The following CUL9 variants were observed in gnomAD, a reference collection of about 807,000 sequenced individuals.
CUL9 encodes the protein cullin 9, also known as cullin-9.
Under a neutral mutation model 272.6 loss-of-function variants are expected in CUL9, and 79 were observed. The ratio of observed to expected loss-of-function variants is 0.29; its 90% CI spans 0.24 to 0.35. The LOEUF is 0.35. CUL9 is among the 10% of genes least tolerant of loss of function. The probability of loss-of-function intolerance (pLI) is 1.00; values close to 1 mark genes in which losing one functional copy is unlikely to be tolerated. For missense variants in CUL9, 2,532 were observed against 3,255.6 expected, an observed-to-expected ratio of 0.78 and a Z score of 5.41; for synonymous variants, 1,186 against 1,286.5, an observed-to-expected ratio of 0.92 and a Z score of 1.67.
In CUL9 at chr6:43,198,725, G is replaced by A. The variant is rs779640994; in HGVS notation, c.2920G>A (p.Glu974Lys). ...LLDLERVLCREGSPGGAVRPL... is the reference protein window; with the variant it reads ...LLDLERVLCRKGSPGGAVRPL... ...GGACTTGGAGCGTGTGCTGTGCCGTGAGGGCAGCCCCGGAGGTGCCGTGAG... is the reference window on the plus strand; with the variant it reads ...GGACTTGGAGCGTGTGCTGTGCCGTAAGGGCAGCCCCGGAGGTGCCGTGAG... Residue 974 changes from glutamate to lysine, a missense_variant, in exon 12 of 41, where the codon GAG becomes AAG. Physicochemically the swap from Glu to Lys is moderately conservative, Grantham distance 56. This residue lies in a region of CUL9 where 2,218 missense variants were observed against 2,788.6 expected (regional missense o/e 0.80). Coordinates refer to ENST00000252050, the MANE Select transcript of CUL9 (RefSeq NM_015089.4). 1.2e-6 allele frequency: 2 copies of A among 1,614,174 alleles called. No individual in the cohort carries two copies. The highest frequency in any genetic ancestry group is 4.5e-5 in the East Asian group (2 of 44,882).
Position 43,199,486 on chromosome 6 carries a change from G to C in CUL9, c.3156+115G>C, listed in dbSNP as rs1030696213. The C allele has an allele frequency of 1.3e-6, 1 of 760,448 alleles. No individual in the cohort carries two copies. The highest frequency in any genetic ancestry group is 1.7e-5 in the African/African-American group (1 of 58,142). 47.1% of individuals were successfully genotyped at this position (760,448 alleles called of 1,614,324 possible). A position where few individuals can be genotyped will look rare whatever the true frequency, so the allele number is the denominator to read the frequency against. On this transcript the variant is annotated intron_variant, in intron 13 of 40. Coordinates refer to ENST00000252050, the MANE Select transcript of CUL9 (RefSeq NM_015089.4). This position sits in a 1 kb window ranked among gnomAD's most constrained non-coding sequence, Gnocchi z 4.4. ...TTCTGAATGGATCTTGGGGCACTGG[G>C]ATGGGTGTAGGAGGAGGAAGGGTAA...
In CUL9 at chr6:43,216,299, C is replaced by T. The variant is rs756786754; in HGVS notation, c.6078C>T (p.His2026=). 2.9e-5 allele frequency: 46 copies of T among 1,613,996 alleles called. No individual in the cohort carries two copies. Among genetic ancestry groups the T allele is most frequent in the South Asian group, 1.3e-4 (12 of 91,078 alleles). ...TLNLEPDVAQ[H]LLAHSHWGAE... ...ACTTAGAGCCAGATGTCGCTCAGCA[C>T]CTTTTGGCTCATTCCCACTGGGGCG... Residue 2026 remains histidine (H), a synonymous_variant, in exon 31 of 41, where the codon CAC becomes CAT. Coordinates refer to ENST00000252050, the MANE Select transcript of CUL9 (RefSeq NM_015089.4).
At chr6:43,189,282 C>T (rs139267703) in intron 8 of CUL9, among the ~76,000 whole-genome samples, 10,056 of 151,580 alleles carry the variant, frequency 0.066, 424 homozygotes, top group Admixed American at 0.095. Context: ...CTCTGCCTCC[C>T]GGGTTCAAGG....
chr6:43,192,031 T>A (rs1367187157), intron 8 of CUL9, among the ~76,000 whole-genome samples: 1 of 151,260 alleles, frequency 6.6e-6, no homozygotes, highest in Non-Finnish European at 1.5e-5. Flanking sequence ...TATATTTTGA[T>A]AATAATAGGC....
chr6:43,184,167 T>G lies in CUL9; in HGVS notation c.-9-135T>G, dbSNP rs1772705137. 1.8e-6 allele frequency: 1 copy of G among 559,412 alleles called. No individual in the cohort carries two copies. Among genetic ancestry groups the G allele is most frequent in the Non-Finnish European group, 2.9e-6 (1 of 341,478 alleles). The allele number at this position is 559,412 out of a possible 1,614,324, so 34.7% of individuals were successfully genotyped here. ...TTATTCCATCCTATTTTTTGCCTTT[T>G]CTGTTTGGCCTCCTAAATTCTACCA... On this transcript the variant is annotated intron_variant, in intron 1 of 40. Coordinates refer to ENST00000252050, the MANE Select transcript of CUL9 (RefSeq NM_015089.4). The surrounding 1 kb of genome is among the most constrained non-coding windows in gnomAD (Gnocchi z 4.8).
chr6:43,206,506 C>T lies in CUL9; in HGVS notation c.5208C>T (p.Ser1736=). Residue 1736 remains serine, a synonymous_variant, in exon 26 of 41, where the codon AGC becomes AGT. Transcript: ENST00000252050. This position sits in a 1 kb window ranked among gnomAD's most constrained non-coding sequence, Gnocchi z 4.8. Reference sequence around the variant, plus strand: ...TTGACCGTTTCTCCAGTTTCTACAGCCAGAGTGAGGAACTAGGGAGAGGAA... The same window carrying T: ...TTGACCGTTTCTCCAGTTTCTACAGTCAGAGTGAGGAACTAGGGAGAGGAA... The part of the protein sequence containing the change: ...DALDRFSSFY[S]QSQNHPVLDM... 6.2e-7 allele frequency: 1 copy of T among 1,613,978 alleles called. No individual in the cohort carries two copies. The highest frequency in any genetic ancestry group is 8.5e-7 in the Non-Finnish European group (1 of 1,179,948).
chr6:43,215,713 C>T (rs1459991199), intron 30 of CUL9, among the ~76,000 whole-genome samples: 5 of 152,134 alleles, frequency 3.3e-5, no homozygotes, highest in South Asian at 2.1e-4. Context: ...AGTGAATTAT[C>T]GCGAGTAATC....
intron 26 of CUL9, among the ~76,000 whole-genome samples, chr6:43,208,884 A>T (rs1480358191): frequency 6.6e-6 from 1 of 152,136 alleles, no homozygotes; most frequent in Non-Finnish European, 1.5e-5. Context: ...TCTGTCATCC[A>T]GGCTGGAGTG....
chr6:43,183,633 T>C (rs1253645836), intron 1 of CUL9, among the ~76,000 whole-genome samples: 4 of 152,266 alleles, frequency 2.6e-5, no homozygotes, highest in Non-Finnish European at 5.9e-5. Context: ...CTTGCTTAAC[T>C]GTCACTCTGT....
chr6:43,216,232 G>C lies in CUL9; in HGVS notation c.6011G>C (p.Gly2004Ala), dbSNP rs1402172316. Reference sequence around the variant, plus strand: ...ACCATGAGCCCCCAGGAAGTAGAAGGGTTGATGAAGCAGACGGTGCGTCAG... The same window carrying C: ...ACCATGAGCCCCCAGGAAGTAGAAGCGTTGATGAAGCAGACGGTGCGTCAG... The part of the protein sequence containing the change: ...GRTMSPQEVE[G>A]LMKQTVRQVQ... The change falls in exon 31 of 41, where the codon GGG (glycine) becomes GCG (alanine). Residue 2004 changes from glycine (G) to alanine (A), a missense_variant. Around this residue, in one of 3 missense-constraint regions of CUL9, gnomAD observed 2,218 missense variants for 2,788.6 expected, o/e 0.80. Transcript: ENST00000252050. 2.5e-6 allele frequency: 4 copies of C among 1,613,690 alleles called. No individual in the cohort carries two copies. The highest frequency in any genetic ancestry group is 2.2e-5 in the South Asian group (2 of 91,052).
rs567673108 is a variant in CUL9, at chr6:43,213,352, C to T, written c.5358+58C>T. ...CTGCTACCTTATCTGTCGCTGTTCT[C>T]CTCCTAAACCCTGTTCCTCCTTCAT... On this transcript the variant is annotated intron_variant, in intron 27 of 40. Coordinates refer to ENST00000252050, the MANE Select transcript of CUL9 (RefSeq NM_015089.4). This position sits in a 1 kb window ranked among gnomAD's most constrained non-coding sequence, Gnocchi z 5.7. The T allele has an allele frequency of 7.5e-6, 12 of 1,608,494 alleles. No individual in the cohort carries two copies. The highest frequency in any genetic ancestry group is 2.2e-5 in the East Asian group (1 of 44,782).
chr6:43,214,025 C>A, intron 29 of CUL9, 113 bp downstream of exon 29: 2 of 1,066,786 alleles, frequency 1.9e-6, no homozygotes, highest in Non-Finnish European at 2.8e-6. Context: ...ACATTTCCAT[C>A]TGGGTTTTCT....
rs1286049080 is a variant in CUL9, at chr6:43,223,375, C to T, written c.7262C>T (p.Ala2421Val). Residue 2421 changes from alanine (A) to valine (V), a missense_variant, in exon 39 of 41, where the codon GCC (alanine) becomes GTC (valine). Physicochemically the swap from Ala to Val is moderately conservative, Grantham distance 64. This residue lies in a region of CUL9 where 237 missense variants were observed against 305.9 expected (regional missense o/e 0.77). Coordinates refer to ENST00000252050, the MANE Select transcript of CUL9 (RefSeq NM_015089.4). This position sits in a 1 kb window ranked among gnomAD's most constrained non-coding sequence, Gnocchi z 4.1. ...CGGCGGATCCAGGAGAGGCTGCTTG[C>T]CATCCTGCAGCATTCTGCCCAGGTA... ...LLRRIQERLL[A>V]ILQHSAQDFR... 6.2e-7 allele frequency: 1 copy of T among 1,600,284 alleles called. No homozygotes were observed. The highest frequency in any genetic ancestry group is 2.2e-5 in the East Asian group (1 of 44,490).
rs762965786 is a variant in CUL9 at position 43,213,464 on chromosome 6, G to A, written c.5385G>A (p.Lys1795=). The A allele has an allele frequency of 6.8e-6, 11 of 1,614,172 alleles. No individual in the cohort carries two copies. In the East Asian group the frequency reaches 2.5e-4, roughly 36 times the overall value. The change falls in exon 28 of 41, where the codon AAG becomes AAA. Residue 1795 remains lysine (K), a synonymous_variant. Transcript: ENST00000252050. The surrounding 1 kb of genome is among the most constrained non-coding windows in gnomAD (Gnocchi z 5.7). The part of the protein sequence containing the change: ...TEEVSVETLL[K]DSDLSPELLL... ...AGGTGTCAGTAGAGACCTTGCTGAA[G>A]GATTCTGACCTCTCCCCAGAGCTGC... is the stretch of plus-strand genomic sequence containing the variant.
chr6:43,197,547 G>T (rs561034135), intron 11 of CUL9, among the ~76,000 whole-genome samples: 2 of 151,574 alleles, frequency 1.3e-5, no homozygotes, highest in African/African-American at 4.9e-5. Context: ...GCAGTTGCAC[G>T]ATCTCTGCTC....
chr6:43,194,741 T>A (rs1049598049), intron 9 of CUL9, among the ~76,000 whole-genome samples: 8 of 151,950 alleles, frequency 5.3e-5, no homozygotes, highest in Admixed American at 4.6e-4. Context: ...TGCCATCCAC[T>A]ATAGATCATG....
chr6:43,216,064 G>A, intron 30 of CUL9, 94 bp from the exon 31 acceptor site: 3 of 1,207,240 alleles, frequency 2.5e-6, no homozygotes, highest in East Asian at 2.5e-5. Context: ...GAGCAAGTAT[G>A]CTCAAAGAGG....
In CUL9 at chr6:43,221,921, G is replaced by A; in HGVS notation, c.6846+143G>A. ...AGAGGCTCACTGTGGGGAAGACAGA[G>A]CCACCTGGGCCTGCAGATGCTGGAA... On this transcript the variant is annotated intron_variant, in intron 35 of 40. Transcript: ENST00000252050. This position sits in a 1 kb window ranked among gnomAD's most constrained non-coding sequence, Gnocchi z 4.2. 1.5e-6 allele frequency: 1 copy of A among 678,322 alleles called. No homozygotes were observed. Among genetic ancestry groups the A allele is most frequent in the Non-Finnish European group, 2.5e-6 (1 of 405,436 alleles). The allele number at this position is 678,322 out of a possible 1,614,324, so 42.0% of individuals were successfully genotyped here.
chr6:43,195,721 G>A (rs1204552333), intron 9 of CUL9, among the ~76,000 whole-genome samples: 2 of 152,138 alleles, frequency 1.3e-5, no homozygotes, highest in African/African-American at 4.8e-5. Flanking sequence ...GATGCTGCGA[G>A]GGGCACCATC....
Sources: allele counts gnomAD v4.1 joint callset (sites outside exome capture counted in the v4.1 genomes callset), GRCh38; gene constraint gnomAD v4.1.1; regional missense constraint gnomAD v4.1.1; non-coding constraint Gnocchi (gnomAD v3.1); transcripts MANE v1.5; gene names NCBI Gene and HGNC (gene_info 2026-07-23, HGNC 2026-07-21).